Variants in HBP1 observed in about 807,000 individuals in gnomAD.
HBP1 encodes HMG-box transcription factor 1, also known as HMG box-containing protein 1.
Under a neutral mutation model 62.6 loss-of-function variants are expected in HBP1, and 20 were observed. The observed-to-expected ratio is 0.32, with a 90% CI of 0.22 to 0.46. The LOEUF (loss-of-function observed/expected upper bound fraction) is 0.46, where lower values mean the gene tolerates loss of function less well. Ranked by LOEUF, HBP1 falls within the 20% of genes least tolerant of loss-of-function variation. The probability of loss-of-function intolerance (pLI) is 1.00; values close to 1 mark genes in which losing one functional copy is unlikely to be tolerated. For synonymous variants in HBP1, 232 were observed against 206.2 expected (o/e 1.12, Z -1.07); for missense variants, 480 against 611.8 (o/e 0.78, Z 2.27).
chr7:107,176,267 G>A (rs1378623463), intron 1 of HBP1, among the ~76,000 whole-genome samples: 3 of 151,830 alleles, frequency 2.0e-5, no homozygotes, highest in Non-Finnish European at 4.4e-5. Flanking sequence ...CTCGTGATCC[G>A]CCCTCCTCGG....
chr7:107,173,241 C>A (rs1392472297), intron 1 of HBP1, among the ~76,000 whole-genome samples: 1 of 152,122 alleles, frequency 6.6e-6, no homozygotes, highest in Admixed American at 6.6e-5. Context: ...AAATTAATTG[C>A]AAATTACCTT....
At position 107,194,450 on chromosome 7, in the gene HBP1, G is replaced by A. The variant is rs115691860; in HGVS notation, c.1068-1384G>A. Among the ~76,000 whole-genome samples, 954 of 152,248 alleles carry A rather than the reference G, an allele frequency of 6.3e-3. 15 individuals carry two copies. Among genetic ancestry groups the A allele is most frequent in the African/African-American group, 0.022 (894 of 41,542 alleles). On this transcript the variant is annotated intron_variant, in intron 8 of 10. Transcript: ENST00000222574. ...AGAAAGCAGACATTGTTTTCCTGAC[G>A]TAATACTGATTGCTAAGCATTCATG...
chr7:107,192,376 CTT>C (rs1797692663), intron 8 of HBP1, among the ~76,000 whole-genome samples: 1 of 151,748 alleles, frequency 6.6e-6, no homozygotes, highest in Admixed American at 6.6e-5. Flanking sequence ...AACACTGTAT[CTT>C]ATATATTAAG....
At chr7:107,183,699 A>G (rs1313307518) in intron 3 of HBP1, among the ~76,000 whole-genome samples, 2 of 151,618 alleles carry the variant, frequency 1.3e-5, no homozygotes, top group Non-Finnish European at 2.9e-5. Context: ...CAGCAGAGTC[A>G]TAGGATTAAT....
chr7:107,189,284 A>G lies in HBP1; in HGVS notation c.766-8A>G, dbSNP rs1465357316. 6.2e-7 allele frequency: 1 copy of G among 1,609,502 alleles called. No individual in the cohort carries two copies. The highest frequency in any genetic ancestry group is 1.3e-5 in the African/African-American group (1 of 74,890). ...TCCAATTCATTCACGCTATGCATATATTTTCAGGGCTATGGTTCTGATGGT... is the reference window on the plus strand; with the variant it reads ...TCCAATTCATTCACGCTATGCATATGTTTTCAGGGCTATGGTTCTGATGGT... On this transcript the variant is annotated splice_region_variant and splice_polypyrimidine_tract_variant and intron_variant, in intron 6 of 10. Coordinates refer to ENST00000222574, the MANE Select transcript of HBP1 (RefSeq NM_012257.4).
rs1353529717 is a variant in HBP1, at chr7:107,172,702, T to G, written c.-16+3517T>G. 2.0e-5 allele frequency among the ~76,000 whole-genome samples: 3 copies of G among 152,332 alleles called. No individual in the cohort carries two copies. In the East Asian group the frequency reaches 5.8e-4, roughly 29 times the overall value. ...CAGTGTCTGTGGGATGTAATATCTT[T>G]TATACCTACAACAATTCTGATAGGT... On this transcript the variant is annotated intron_variant, in intron 1 of 10. Transcript: ENST00000222574.
chr7:107,189,526 T>G, intron 7 of HBP1, 78 bp downstream of exon 7: 1 of 1,139,054 alleles, frequency 8.8e-7, no homozygotes, highest in East Asian at 2.5e-5. Flanking sequence ...GTAGCTTTGA[T>G]GATTAAGAAA....
At position 107,195,860 on chromosome 7, in the gene HBP1, C is replaced by T. The variant is rs1797874600; in HGVS notation, c.1094C>T (p.Ser365Phe). 1 of 1,601,224 alleles carries T rather than the reference C, an allele frequency of 6.2e-7. No homozygotes were observed. Among genetic ancestry groups the T allele is most frequent in the Non-Finnish European group, 8.6e-7 (1 of 1,169,360 alleles). The change falls in exon 9 of 11, where the codon TCT becomes TTT. Residue 365 changes from serine (S) to phenylalanine (F), a missense_variant. Ser to Phe is a radical substitution (Grantham distance 155, BLOSUM62 -2). Coordinates refer to ENST00000222574, the MANE Select transcript of HBP1 (RefSeq NM_012257.4). ...TATGACTTCACACCTATGGATTCTT[C>T]TGCAGTTTATGTGTTAAGTAGTATG... ...KSYDFTPMDS[S>F]AVYVLSSMAR...
chr7:107,170,068 C>G (rs1046483890), intron 1 of HBP1: 22 of 985,100 alleles, frequency 2.2e-5, no homozygotes, highest in Non-Finnish European at 2.5e-5. Context: ...GCACTCTACA[C>G]TCGAGTTCAT....
chr7:107,169,724 C>T, intron 1 of HBP1: 3 of 985,054 alleles, frequency 3.0e-6, no homozygotes, highest in South Asian at 4.7e-5. Flanking sequence ...TTACGCAGTT[C>T]GAATGAATGG....
intron 4 of HBP1, 36 bp from the exon 5 acceptor site, chr7:107,186,325 A>G (rs780570516): frequency 4.0e-6 from 5 of 1,259,108 alleles, no homozygotes; most frequent in Non-Finnish European, 5.8e-6. Context: ...ATATTTTAAA[A>G]ACAAATAAAA....
At chr7:107,188,455 C>T (rs1797492623) in intron 6 of HBP1, among the ~76,000 whole-genome samples, 2 of 152,154 alleles carry the variant, frequency 1.3e-5, no homozygotes, top group African/African-American at 4.8e-5. Context: ...CTCTCTTATT[C>T]ATGACCTTGT....
chr7:107,169,011 T>A lies in HBP1; in HGVS notation c.-190T>A, dbSNP rs957649236. On this transcript the variant is annotated 5_prime_UTR_variant, in exon 1 of 11. Coordinates refer to ENST00000222574, the MANE Select transcript of HBP1 (RefSeq NM_012257.4). Reference sequence around the variant, plus strand: ...GGAAGACGAAGCTTGAAAGACTTGGTAATGGCGACGGGTTTGGTAAGTAGG... The same window carrying A: ...GGAAGACGAAGCTTGAAAGACTTGGAAATGGCGACGGGTTTGGTAAGTAGG... The A allele has an allele frequency of 2.3e-6, 3 of 1,288,700 alleles. No individual in the cohort carries two copies. In the African/African-American group the frequency reaches 4.6e-5, roughly 20 times the overall value. 79.8% of individuals were successfully genotyped at this position (1,288,700 alleles called of 1,614,324 possible).
chr7:107,177,970 C>T (rs1401639509), intron 1 of HBP1, among the ~76,000 whole-genome samples: 1 of 151,876 alleles, frequency 6.6e-6, no homozygotes, highest in Non-Finnish European at 1.5e-5. Context: ...TCAGTGTCAT[C>T]GGTGTTTATT....
chr7:107,190,426 G>C, intron 8 of HBP1, 109 bp downstream of exon 8: 1 of 677,892 alleles, frequency 1.5e-6, no homozygotes, highest in South Asian at 2.3e-5. Flanking sequence ...AAAGATTTGA[G>C]AATTATAAAA....
chr7:107,195,923 C>T lies in HBP1; in HGVS notation c.1157C>T (p.Pro386Leu), dbSNP rs746099990. Residue 386 changes from proline (P) to leucine (L), a missense_variant, in exon 9 of 11, where the codon CCT becomes CTT. By Grantham distance (98) the Pro-to-Leu change is moderately conservative (BLOSUM62 -3). Around this residue, in one of 4 missense-constraint regions of HBP1, gnomAD observed 66 missense variants for 56.4 expected, o/e 1.17. Transcript: ENST00000222574. ...CGTGCATCTTTGTCTTGTGGAGGACCTGGTGGTCAAGACTTTGCAAGATCT... is the reference window on the plus strand; with the variant it reads ...CGTGCATCTTTGTCTTGTGGAGGACTTGGTGGTCAAGACTTTGCAAGATCT... ...QRRASLSCGGPGGQDFARSGF... is the reference protein window; with the variant it reads ...QRRASLSCGGLGGQDFARSGF... The T allele has an allele frequency of 1.9e-6, 3 of 1,613,390 alleles. No individual in the cohort carries two copies. The highest frequency in any genetic ancestry group is 2.2e-5 in the South Asian group (2 of 91,068).
At chr7:107,182,654 T>G in intron 3 of HBP1, 53 bp downstream of exon 3, 1 of 998,950 alleles carries the variant, frequency 1.0e-6, no homozygotes, top group Non-Finnish European at 1.5e-6. Context: ...ACACAAAGGT[T>G]TTATTTAAAA....
chr7:107,179,054 T>C (rs1796987353), intron 1 of HBP1, among the ~76,000 whole-genome samples: 1 of 152,170 alleles, frequency 6.6e-6, no homozygotes, highest in Non-Finnish European at 1.5e-5. Flanking sequence ...AAATGTATTT[T>C]TTTAAGTGTG....
chr7:107,193,385 T>A (rs2115958485), intron 8 of HBP1: 1 of 152,316 alleles, frequency 6.6e-6, no homozygotes, highest in South Asian at 2.1e-4. Context: ...AGCCCATATC[T>A]TGTAAAGATT....
Sources: allele counts gnomAD v4.1 joint callset (sites outside exome capture counted in the v4.1 genomes callset), GRCh38; gene constraint gnomAD v4.1.1; regional missense constraint gnomAD v4.1.1; transcripts MANE v1.5; gene names NCBI Gene and HGNC (gene_info 2026-07-23, HGNC 2026-07-21).